Variants in NIBAN2 observed in about 807,000 individuals in gnomAD.
NIBAN2 encodes the protein niban apoptosis regulator 2, also known as protein Niban 2.
In NIBAN2, 36 loss-of-function variants were observed where a neutral mutation model predicts 81.8. That is an observed-to-expected ratio of 0.44 (90% confidence interval 0.34 to 0.58). The LOEUF is 0.58. Among genes scored for constraint, NIBAN2 ranks in the 20% least tolerant of loss-of-function variants. NIBAN2 has a pLI of 0.02. For synonymous variants in NIBAN2, 445 were observed against 441.6 expected (o/e 1.01, Z -0.10); for missense variants, 897 against 1,014.1 (o/e 0.88, Z 1.57).
At chr9:127,548,295 C>T (rs959862176) in intron 1 of NIBAN2, among the ~76,000 whole-genome samples, 3 of 152,234 alleles carry the variant, frequency 2.0e-5, no homozygotes, top group African/African-American at 7.2e-5. Flanking sequence ...GTACCGCACC[C>T]CTGAGAACCT....
intron 1 of NIBAN2, among the ~76,000 whole-genome samples, chr9:127,555,857 T>C (rs369636874): frequency 2.6e-4 from 40 of 152,348 alleles, no homozygotes; most frequent in African/African-American, 9.6e-4. Flanking sequence ...GTGTGTCTCC[T>C]GACCAGACAG....
intron 1 of NIBAN2, among the ~76,000 whole-genome samples, chr9:127,548,779 T>A (rs1588178425): frequency 6.6e-6 from 1 of 152,156 alleles, no homozygotes; most frequent in African/African-American, 2.4e-5. Flanking sequence ...GGAGGACTTG[T>A]TCCTCTCCCC....
chr9:127,527,790 C>T (rs750324336), intron 2 of NIBAN2, among the ~76,000 whole-genome samples: 7 of 152,248 alleles, frequency 4.6e-5, no homozygotes, highest in Non-Finnish European at 1.0e-4. Context: ...GGGCAAGCCT[C>T]TCCCCAGCTC....
chr9:127,551,798 A>C (rs1837581853), intron 1 of NIBAN2, among the ~76,000 whole-genome samples: 1 of 152,120 alleles, frequency 6.6e-6, no homozygotes, highest in African/African-American at 2.4e-5. Flanking sequence ...GCTGGCAAGA[A>C]CCACAGCACC....
chr9:127,527,183 C>T lies in NIBAN2; in HGVS notation c.315+11G>A. 6.2e-7 allele frequency: 1 copy of T among 1,612,300 alleles called. No homozygotes were observed. ...GGGAGGCTCAGTGTGGCGCCCGGGG[C>T]CAGGCCTCACCGCTTTGTTTTCGTA... On this transcript the variant is annotated intron_variant, in intron 3 of 13. Transcript: ENST00000373312.
chr9:127,507,791 C>T lies in NIBAN2; in HGVS notation c.1654+76G>A. 1.5e-6 allele frequency: 2 copies of T among 1,341,782 alleles called. No homozygotes were observed. Among genetic ancestry groups the T allele is most frequent in the South Asian group, 1.2e-5 (1 of 83,702 alleles). 83.1% of individuals were successfully genotyped at this position (1,341,782 alleles called of 1,614,324 possible). A position where few individuals can be genotyped will look rare whatever the true frequency, so the allele number is the denominator to read the frequency against. ...CTTTTCTTTGAGCCTTAGCTGACCCCCTCAGCTGCCACCACTTCTCAGCTG... is the reference window on the plus strand; with the variant it reads ...CTTTTCTTTGAGCCTTAGCTGACCCTCTCAGCTGCCACCACTTCTCAGCTG... On this transcript the variant is annotated intron_variant, in intron 13 of 13. Coordinates refer to ENST00000373312, the MANE Select transcript of NIBAN2 (RefSeq NM_022833.4). The surrounding 1 kb of genome is among the most constrained non-coding windows in gnomAD (Gnocchi z 6.8).
Position 127,512,920 on chromosome 9 carries a change from G to A in NIBAN2, c.974-2587C>T, listed in dbSNP as rs149557256. 7.2e-3 allele frequency among the ~76,000 whole-genome samples: 1,102 copies of A among 152,270 alleles called. 12 individuals carry two copies. Among genetic ancestry groups the A allele is most frequent in the African/African-American group, 0.024 (991 of 41,558 alleles). On this transcript the variant is annotated intron_variant, in intron 8 of 13. Transcript: ENST00000373312. ...CCATCGCAGCGATATCTGCACTCCCGTGTTTGTTGCGGCTCTGTTCACAAC... is the reference window on the plus strand; with the variant it reads ...CCATCGCAGCGATATCTGCACTCCCATGTTTGTTGCGGCTCTGTTCACAAC...
rs1161503376 is a variant in NIBAN2, at chr9:127,507,803, C to A, written c.1654+64G>T. On this transcript the variant is annotated intron_variant, in intron 13 of 13. Transcript: ENST00000373312. This position sits in a 1 kb window ranked among gnomAD's most constrained non-coding sequence, Gnocchi z 6.8. ...CCTTAGCTGACCCCCTCAGCTGCCA[C>A]CACTTCTCAGCTGCGCCCCCAGCAT... is the stretch of plus-strand genomic sequence containing the variant. 2 of 1,458,506 alleles carry A rather than the reference C, an allele frequency of 1.4e-6. No individual in the cohort carries two copies. The highest frequency in any genetic ancestry group is 1.9e-6 in the Non-Finnish European group (2 of 1,040,178). 90.3% of individuals were successfully genotyped at this position (1,458,506 alleles called of 1,614,324 possible). A position where few individuals can be genotyped will look rare whatever the true frequency, so the allele number is the denominator to read the frequency against.
At chr9:127,554,548 C>CTTTCTTTTTT (rs1837632346) in intron 1 of NIBAN2, among the ~76,000 whole-genome samples, 43 of 103,678 alleles carry the variant, frequency 4.1e-4, no homozygotes, top group Non-Finnish European at 5.5e-4. Flanking sequence ...TTTTCTTTTT[C>CTTTCTTTTTT]TTTTTTTTTT....
chr9:127,555,714 A>C (rs553742141), intron 1 of NIBAN2, among the ~76,000 whole-genome samples: 1 of 152,194 alleles, frequency 6.6e-6, no homozygotes, highest in Non-Finnish European at 1.5e-5. Context: ...CTCCTCTGTG[A>C]CAGGAGAGCA....
At chr9:127,577,247 G>T (rs994922122) in intron 1 of NIBAN2, among the ~76,000 whole-genome samples, 4 of 152,118 alleles carry the variant, frequency 2.6e-5, no homozygotes, top group Non-Finnish European at 5.9e-5. Context: ...GGCAGGGGTT[G>T]CAGTGAGCCG....
chr9:127,527,048 G>C (rs1487863549), intron 3 of NIBAN2, 146 bp downstream of exon 3: 2 of 916,986 alleles, frequency 2.2e-6, no homozygotes, highest in African/African-American at 1.6e-5. Flanking sequence ...TTTGGGGGAG[G>C]GGAGGGGCTG....
At chr9:127,509,969 G>A (rs528022223) in intron 9 of NIBAN2, 177 bp downstream of exon 9, 5 of 495,842 alleles carry the variant, frequency 1.0e-5, no homozygotes, top group South Asian at 7.6e-5. Context: ...CAGGCCCCAC[G>A]AGGACTCCAA....
chr9:127,515,550 A>G lies in NIBAN2; in HGVS notation c.973+1307T>C, dbSNP rs76962030. On this transcript the variant is annotated intron_variant, in intron 8 of 13. Coordinates refer to ENST00000373312, the MANE Select transcript of NIBAN2 (RefSeq NM_022833.4). ...AAAAAAAAAAAAAAACAAACAAAAA[A>G]AACAGGCCAGGCACAGTGGCTCACA... Among the ~76,000 whole-genome samples, 9 of 126,128 alleles carry G rather than the reference A, an allele frequency of 7.1e-5. 1 individual carries two copies. Among genetic ancestry groups the G allele is most frequent in the Non-Finnish European group, 1.5e-4 (9 of 58,374 alleles). 82.7% of individuals were successfully genotyped at this position (126,128 alleles called of 152,430 possible). A position where few individuals can be genotyped will look rare whatever the true frequency, so the allele number is the denominator to read the frequency against.
At position 127,516,852 on chromosome 9, in the gene NIBAN2, C is replaced by T; in HGVS notation, c.973+5G>A. On this transcript the variant is annotated splice_donor_5th_base_variant and intron_variant, in intron 8 of 13. Coordinates refer to ENST00000373312, the MANE Select transcript of NIBAN2 (RefSeq NM_022833.4). ...GGCCCGTCGAGCACGGGGGTGGCTG[C>T]CTACCTCGGATCTTGCTGGCAAGGT... 2 of 1,609,736 alleles carry T rather than the reference C, an allele frequency of 1.2e-6. No homozygotes were observed. The highest frequency in any genetic ancestry group is 1.7e-6 in the Non-Finnish European group (2 of 1,176,342).
intron 1 of NIBAN2, among the ~76,000 whole-genome samples, chr9:127,547,094 G>T (rs769340410): frequency 2.6e-5 from 4 of 152,030 alleles, no homozygotes; most frequent in Non-Finnish European, 5.9e-5. Context: ...GGTCAAGAAG[G>T]ACCCTTCAAC....
chr9:127,551,327 G>A (rs7039201), intron 1 of NIBAN2, among the ~76,000 whole-genome samples: 99,085 of 151,728 alleles, frequency 0.65, 33,588 homozygotes, highest in East Asian at 0.93. Flanking sequence ...GTTCAAGACC[G>A]GCCTGGGCAA....
intron 1 of NIBAN2, among the ~76,000 whole-genome samples, chr9:127,562,205 C>T (rs1192706623): frequency 6.6e-6 from 1 of 152,144 alleles, no homozygotes; most frequent in Non-Finnish European, 1.5e-5. Context: ...CACTTCCTCT[C>T]CCCGCCTCCG....
chr9:127,515,469 C>T (rs1274119910), intron 8 of NIBAN2, among the ~76,000 whole-genome samples: 22 of 145,454 alleles, frequency 1.5e-4, no homozygotes, highest in African/African-American at 5.4e-4. Context: ...TGCAGTGAGC[C>T]GAGATCACGC....
Sources: gnomAD v4.1 joint callset for allele counts (sites outside exome capture counted in the v4.1 genomes callset) on GRCh38, gnomAD v4.1.1 for gene constraint, Gnocchi (gnomAD v3.1) non-coding constraint, MANE v1.5 for transcripts, NCBI Gene and HGNC (gene_info 2026-07-23, HGNC 2026-07-21) for gene names.